MACROD2: variants seen among roughly 807,000 people sequenced by gnomAD.
MACROD2 encodes ADP-ribose glycohydrolase MACROD2.
MACROD2 carries 36 observed loss-of-function variants against 70.4 expected under a neutral mutation model. That is an observed-to-expected ratio of 0.51 (90% CI 0.39 to 0.68). MACROD2 has a LOEUF of 0.68. MACROD2 is among the 30% of genes least tolerant of loss of function. The pLI is 0.00. For synonymous variants in MACROD2, 172 were observed against 178.8 expected (o/e 0.96, Z 0.30); for missense variants, 496 against 538.4 (o/e 0.92, Z 0.78).
chr20:15,381,886 G>A (rs2146279527), intron 6 of MACROD2, among the ~76,000 whole-genome samples: 1 of 152,284 alleles, frequency 6.6e-6, no homozygotes, highest in East Asian at 1.9e-4. Flanking sequence ...TAAAATGGAT[G>A]TGTATAAAGG....
intron 8 of MACROD2, among the ~76,000 whole-genome samples, chr20:15,801,626 A>G (rs1047064614): frequency 6.6e-6 from 1 of 152,026 alleles, no homozygotes; most frequent in Non-Finnish European, 1.5e-5. Context: ...TTTTGAAGTG[A>G]GATTGTATGA....
Position 14,792,014 on chromosome 20 carries a change from A to G in MACROD2, c.418+107055A>G, listed in dbSNP as rs548156574. Among the ~76,000 whole-genome samples, 4 of 152,116 alleles carry G rather than the reference A, an allele frequency of 2.6e-5. No individual in the cohort carries two copies. The South Asian group carries it at 8.3e-4, about 32-fold the overall frequency. On this transcript the variant is annotated intron_variant, in intron 5 of 17. Coordinates refer to ENST00000684519, the MANE Select transcript of MACROD2 (RefSeq NM_001351661.2). ...TCCTATCTTTCTCAACATTATGAAC[A>G]TTTATCTTACAGTTACATAATGTTT...
intron 5 of MACROD2, among the ~76,000 whole-genome samples, chr20:14,877,926 G>A (rs997247358): frequency 6.6e-6 from 1 of 152,122 alleles, no homozygotes; most frequent in Non-Finnish European, 1.5e-5. Flanking sequence ...ATATTGGCTT[G>A]TCGTTTTCTT....
intron 4 of MACROD2, among the ~76,000 whole-genome samples, chr20:14,589,398 A>G (rs1229706236): frequency 1.3e-5 from 2 of 152,174 alleles, no homozygotes; most frequent in Non-Finnish European, 2.9e-5. Flanking sequence ...TTATTTGGTT[A>G]TAAGTTTTGT....
intron 5 of MACROD2, among the ~76,000 whole-genome samples, chr20:15,132,976 G>GAA (rs1180772563): frequency 6.6e-6 from 1 of 151,986 alleles, no homozygotes; most frequent in Non-Finnish European, 1.5e-5. Context: ...AAATAATGTG[G>GAA]AATAGCTGGC....
At chr20:15,504,336 G>A (rs1303146495) in intron 8 of MACROD2, among the ~76,000 whole-genome samples, 1 of 152,070 alleles carries the variant, frequency 6.6e-6, no homozygotes, top group Non-Finnish European at 1.5e-5. Context: ...AACAGTGGCA[G>A]CTCTAGCAGA....
intron 5 of MACROD2, among the ~76,000 whole-genome samples, chr20:15,180,574 C>T (rs1379027048): frequency 6.6e-6 from 1 of 152,202 alleles, no homozygotes; most frequent in African/African-American, 2.4e-5. Context: ...TGTCACTGGG[C>T]CTTTGCATGC....
At chr20:14,779,680 C>T (rs1349872536) in intron 5 of MACROD2, among the ~76,000 whole-genome samples, 1 of 152,090 alleles carries the variant, frequency 6.6e-6, no homozygotes, top group Non-Finnish European at 1.5e-5. Context: ...TTCTCCTTAA[C>T]AGATGGAATG....
intron 4 of MACROD2, among the ~76,000 whole-genome samples, chr20:14,575,284 G>A (rs145854767): frequency 6.6e-6 from 1 of 151,864 alleles, no homozygotes. Flanking sequence ...TAGTACAAAG[G>A]GTGGCATCAT....
intron 6 of MACROD2, among the ~76,000 whole-genome samples, chr20:15,283,348 G>T (rs563900102): frequency 1.3e-5 from 2 of 152,280 alleles, no homozygotes; most frequent in South Asian, 4.1e-4. Context: ...CTTTATAGAA[G>T]AGAAAAGGCT....
intron 5 of MACROD2, among the ~76,000 whole-genome samples, chr20:14,925,524 G>A (rs972634546): frequency 3.3e-5 from 5 of 152,122 alleles, no homozygotes; most frequent in African/African-American, 1.2e-4. Flanking sequence ...TTCTGCATGA[G>A]TCATCATCCT....
At chr20:14,311,390 T>TAG (rs2082565683) in intron 3 of MACROD2, among the ~76,000 whole-genome samples, 5 of 152,152 alleles carry the variant, frequency 3.3e-5, no homozygotes, top group African/African-American at 1.2e-4. Flanking sequence ...ATATCCTAGG[T>TAG]GTGTAGTAGG....
At chr20:14,677,616 T>TAGACTCC (rs1413845517) in intron 4 of MACROD2, among the ~76,000 whole-genome samples, 1 of 152,168 alleles carries the variant, frequency 6.6e-6, no homozygotes, top group Non-Finnish European at 1.5e-5. Flanking sequence ...GAGCTGCAGC[T>TAGACTCC]AGACTCCCCT....
At chr20:14,608,070 T>C (rs1453066758) in intron 4 of MACROD2, among the ~76,000 whole-genome samples, 3 of 152,044 alleles carry the variant, frequency 2.0e-5, no homozygotes, top group African/African-American at 7.2e-5. Flanking sequence ...CTGGCCAATA[T>C]GGTGAAACCT....
intron 3 of MACROD2, among the ~76,000 whole-genome samples, chr20:14,391,962 G>C (rs183081530): frequency 6.6e-6 from 1 of 151,352 alleles, no homozygotes; most frequent in South Asian, 2.1e-4. Context: ...TGTACTCCCT[G>C]AATCTAAAAT....
chr20:15,156,331 C>T (rs2076306595), intron 5 of MACROD2, among the ~76,000 whole-genome samples: 1 of 152,014 alleles, frequency 6.6e-6, no homozygotes, highest in Non-Finnish European at 1.5e-5. Context: ...TCATCAGTGA[C>T]TTAGAAAAAA....
At position 14,071,252 on chromosome 20, in the gene MACROD2, G is replaced by T. The variant is rs200847474; in HGVS notation, c.164-14369G>T. On this transcript the variant is annotated intron_variant, in intron 2 of 17. Transcript: ENST00000684519. ...GACAGTATTGGCCATTTCATCTTGT[G>T]TTTTTTTTTTTTTTTTTTTTTTTTT... Among the ~76,000 whole-genome samples the T allele has an allele frequency of 2.5e-3, 160 of 63,862 alleles. 1 individual carries two copies. The highest frequency in any genetic ancestry group is 5.3e-3 in the South Asian group (8 of 1,508). 41.9% of individuals were successfully genotyped at this position (63,862 alleles called of 152,430 possible).
chr20:15,531,808 GA>G (rs1350883644), intron 8 of MACROD2, among the ~76,000 whole-genome samples: 1 of 152,064 alleles, frequency 6.6e-6, no homozygotes, highest in Non-Finnish European at 1.5e-5. Context: ...ATTCACTAAA[GA>G]AATATCTAAA....
chr20:14,505,413 T>A (rs1390747228), intron 4 of MACROD2, among the ~76,000 whole-genome samples: 9 of 152,194 alleles, frequency 5.9e-5, no homozygotes, highest in Admixed American at 5.9e-4. Context: ...GGCCTAAAAA[T>A]TTTATGCCAA....
Sources: gnomAD v4.1 joint callset for allele counts (sites outside exome capture counted in the v4.1 genomes callset) on GRCh38, gnomAD v4.1.1 for gene constraint, MANE v1.5 for transcripts, NCBI Gene and HGNC (gene_info 2026-07-23, HGNC 2026-07-21) for gene names.